Variants in CNTNAP5 observed in about 807,000 individuals in gnomAD.
CNTNAP5 encodes the protein contactin-associated protein-like 5.
Under a neutral mutation model 150.2 loss-of-function variants are expected in CNTNAP5, and 72 were observed. That is an observed-to-expected ratio of 0.48 (90% CI 0.40 to 0.58). CNTNAP5 has a LOEUF of 0.58. Among genes scored for constraint, CNTNAP5 ranks in the 20% least tolerant of loss-of-function variants. The pLI is 0.00. For missense variants in CNTNAP5, 1,636 were observed against 1,626.2 expected, an observed-to-expected ratio of 1.01 and a Z score of -0.10; for synonymous variants, 672 against 619.8, an observed-to-expected ratio of 1.08 and a Z score of -1.25.
At chr2:124,898,229 G>T (rs1678346652) in intron 21 of CNTNAP5, among the ~76,000 whole-genome samples, 1 of 151,390 alleles carries the variant, frequency 6.6e-6, no homozygotes, top group Non-Finnish European at 1.5e-5. Context: ...GTATGGGTCT[G>T]TATGGTTTTG....
At chr2:124,778,855 A>G (rs528117792) in intron 17 of CNTNAP5, among the ~76,000 whole-genome samples, 211 of 152,330 alleles carry the variant, frequency 1.4e-3, no homozygotes, top group African/African-American at 5.0e-3. Context: ...AGAAAAAAAA[A>G]AAAGAGTTTC....
chr2:124,088,745 C>T (rs1433669206), intron 1 of CNTNAP5, among the ~76,000 whole-genome samples: 2 of 152,130 alleles, frequency 1.3e-5, no homozygotes, highest in African/African-American at 4.8e-5. Flanking sequence ...ATGGAGTCTG[C>T]CCTGGAACTG....
intron 1 of CNTNAP5, among the ~76,000 whole-genome samples, chr2:124,034,861 T>C (rs1007921029): frequency 1.3e-5 from 2 of 152,176 alleles, no homozygotes; most frequent in Non-Finnish European, 2.9e-5. Context: ...CACATTACCC[T>C]CCTGTGTACT....
At chr2:124,107,576 G>C (rs796425697) in intron 1 of CNTNAP5, among the ~76,000 whole-genome samples, 39 of 152,310 alleles carry the variant, frequency 2.6e-4, no homozygotes, top group African/African-American at 8.9e-4. Flanking sequence ...ATATTGATTA[G>C]ATTGTGTAGT....
chr2:124,379,038 G>C (rs1423235559), intron 3 of CNTNAP5, among the ~76,000 whole-genome samples: 1 of 151,644 alleles, frequency 6.6e-6, no homozygotes, highest in Non-Finnish European at 1.5e-5. Context: ...GAGCAAAATT[G>C]AGCAGAAAGT....
intron 11 of CNTNAP5, among the ~76,000 whole-genome samples, chr2:124,607,385 T>C (rs894210181): frequency 1.3e-5 from 2 of 152,180 alleles, no homozygotes; most frequent in African/African-American, 4.8e-5. Context: ...CTTGTTACAT[T>C]GGAGTTGGCT....
intron 1 of CNTNAP5, among the ~76,000 whole-genome samples, chr2:124,219,728 A>T (rs770229097): frequency 6.6e-6 from 1 of 152,164 alleles, no homozygotes; most frequent in Non-Finnish European, 1.5e-5. Context: ...TTAATAAGTG[A>T]TTATTATATG....
chr2:124,181,047 A>T (rs1215896982), intron 1 of CNTNAP5, among the ~76,000 whole-genome samples: 1 of 152,106 alleles, frequency 6.6e-6, no homozygotes, highest in East Asian at 1.9e-4. Context: ...TAAAAAAAAA[A>T]AATTCTAGCC....
intron 19 of CNTNAP5, among the ~76,000 whole-genome samples, chr2:124,831,609 G>A (rs1322225396): frequency 6.6e-6 from 1 of 150,546 alleles, no homozygotes; most frequent in Non-Finnish European, 1.5e-5. Flanking sequence ...AATCTAGGAA[G>A]CAAGATCTTG....
chr2:124,476,293 G>C (rs1262223180), intron 7 of CNTNAP5, among the ~76,000 whole-genome samples: 1 of 152,094 alleles, frequency 6.6e-6, no homozygotes, highest in Non-Finnish European at 1.5e-5. Context: ...AAAAGGAGAA[G>C]GATAGTTTGT....
intron 1 of CNTNAP5, among the ~76,000 whole-genome samples, chr2:124,164,106 T>G (rs942908616): frequency 3.3e-5 from 5 of 152,218 alleles, no homozygotes; most frequent in African/African-American, 9.6e-5. Flanking sequence ...TGTTAGAGAA[T>G]GTACATGCAC....
intron 19 of CNTNAP5, among the ~76,000 whole-genome samples, chr2:124,861,478 C>T (rs1428622783): frequency 6.6e-6 from 1 of 151,990 alleles, no homozygotes; most frequent in Non-Finnish European, 1.5e-5. Flanking sequence ...ATCCCAGCTA[C>T]TTGAGAAGCT....
At chr2:124,828,653 C>T (rs1273578102) in intron 19 of CNTNAP5, among the ~76,000 whole-genome samples, 1 of 133,914 alleles carries the variant, frequency 7.5e-6, no homozygotes, top group African/African-American at 2.8e-5. Flanking sequence ...AATGGCTTCT[C>T]TATAAGTATA....
At chr2:124,607,550 G>C (rs1677276221) in intron 11 of CNTNAP5, among the ~76,000 whole-genome samples, 1 of 152,210 alleles carries the variant, frequency 6.6e-6, no homozygotes, top group Admixed American at 6.5e-5. Flanking sequence ...GATTTTGTCA[G>C]CAGAACATGA....
chr2:124,106,749 AC>A (rs752087523), intron 1 of CNTNAP5, among the ~76,000 whole-genome samples: 1 of 152,074 alleles, frequency 6.6e-6, no homozygotes, highest in East Asian at 1.9e-4. Context: ...GTTTGTGGAA[AC>A]CCCCATATAT....
At chr2:124,099,892 A>C (rs889207206) in intron 1 of CNTNAP5, among the ~76,000 whole-genome samples, 6 of 151,832 alleles carry the variant, frequency 4.0e-5, no homozygotes, top group African/African-American at 1.5e-4. Context: ...CATTAATGAG[A>C]CCTCCATCCA....
intron 6 of CNTNAP5, among the ~76,000 whole-genome samples, chr2:124,469,620 T>C (rs2104828714): frequency 6.6e-6 from 1 of 152,248 alleles, no homozygotes; most frequent in South Asian, 2.1e-4. Flanking sequence ...GATGTGCAGG[T>C]TTGTCACATA....
At chr2:124,313,974 T>G (rs1688896519) in intron 3 of CNTNAP5, among the ~76,000 whole-genome samples, 1 of 152,212 alleles carries the variant, frequency 6.6e-6, no homozygotes, top group Non-Finnish European at 1.5e-5. Flanking sequence ...TTGCTTCCCT[T>G]AATAACTGAA....
chr2:124,090,806 T>C (rs1470781558), intron 1 of CNTNAP5, among the ~76,000 whole-genome samples: 1 of 152,186 alleles, frequency 6.6e-6, no homozygotes, highest in African/African-American at 2.4e-5. Flanking sequence ...TTTTTACCTG[T>C]TAGAAATCTG....
Sources: gnomAD v4.1 joint callset for allele counts (sites outside exome capture counted in the v4.1 genomes callset) on GRCh38, gnomAD v4.1.1 for gene constraint, MANE v1.5 for transcripts, NCBI Gene and HGNC (gene_info 2026-07-23, HGNC 2026-07-21) for gene names.